Variants in RBPJ observed in about 807,000 individuals in gnomAD.
RBPJ encodes the protein recombination signal binding protein for immunoglobulin kappa J region.
In RBPJ, 9 loss-of-function variants were observed where a neutral mutation model predicts 67.8. The observed-to-expected ratio is 0.13, with a 90% CI of 0.08 to 0.23. RBPJ has a LOEUF of 0.23. Ranked by LOEUF, RBPJ falls within the 10% of genes least tolerant of loss-of-function variation. RBPJ has a pLI of 1.00. For synonymous variants in RBPJ, 198 were observed against 203.3 expected, an observed-to-expected ratio of 0.97 and a Z score of 0.22; for missense variants, 305 against 595.6, an observed-to-expected ratio of 0.51 and a Z score of 5.08.
intron 7 of RBPJ, among the ~76,000 whole-genome samples, chr4:26,425,201 C>T (rs896770882): frequency 2.0e-5 from 3 of 152,140 alleles, no homozygotes; most frequent in African/African-American, 7.2e-5. Context: ...CTTACTCTCT[C>T]ACAAGAAGAT....
chr4:26,306,513 G>C (rs1230087776), intron 1 of RBPJ, among the ~76,000 whole-genome samples: 1 of 151,636 alleles, frequency 6.6e-6, no homozygotes, highest in Non-Finnish European at 1.5e-5. Context: ...GCAATGGCGC[G>C]ATCTCCGCTC....
At chr4:26,258,374 C>T (rs1720414897) in intron 1 of RBPJ, among the ~76,000 whole-genome samples, 1 of 152,182 alleles carries the variant, frequency 6.6e-6, no homozygotes, top group Admixed American at 6.5e-5. Flanking sequence ...ATCAAACCTC[C>T]ATTAATAAAA....
chr4:26,304,176 G>A (rs907732166), intron 1 of RBPJ, among the ~76,000 whole-genome samples: 1 of 152,130 alleles, frequency 6.6e-6, no homozygotes, highest in Non-Finnish European at 1.5e-5. Flanking sequence ...GTTGTAGTGT[G>A]TTTCATACTT....
intron 1 of RBPJ, among the ~76,000 whole-genome samples, chr4:26,333,821 C>G (rs964297854): frequency 1.3e-5 from 2 of 152,152 alleles, no homozygotes; most frequent in Admixed American, 6.5e-5. Flanking sequence ...TGCCAAGTAG[C>G]TGGGACTACA....
intron 2 of RBPJ, among the ~76,000 whole-genome samples, chr4:26,395,028 A>G (rs1731975977): frequency 6.6e-6 from 1 of 152,186 alleles, no homozygotes; most frequent in African/African-American, 2.4e-5. Context: ...CCTCCCTGCC[A>G]TACCTCTCTG....
At chr4:26,194,282 T>C (rs565583678) in intron 1 of RBPJ, among the ~76,000 whole-genome samples, 2 of 152,316 alleles carry the variant, frequency 1.3e-5, no homozygotes, top group South Asian at 4.1e-4. Flanking sequence ...GAGAATCTGG[T>C]ACATTTGAGC....
chr4:26,128,366 C>A, the RBPJ span, among the ~76,000 whole-genome samples: 31 of 152,198 alleles, frequency 2.0e-4, no homozygotes, highest in Non-Finnish European at 1.5e-5. Context: ...AAAAAGACAT[C>A]ACCATCAGCA....
intron 1 of RBPJ, among the ~76,000 whole-genome samples, chr4:26,345,071 T>A (rs934366609): frequency 6.6e-6 from 1 of 152,242 alleles, no homozygotes; most frequent in African/African-American, 2.4e-5. Flanking sequence ...GTGTGGGACA[T>A]GTTTTCATGA....
intron 1 of RBPJ, among the ~76,000 whole-genome samples, chr4:26,308,679 C>G (rs1048316849): frequency 6.6e-6 from 1 of 152,188 alleles, no homozygotes; most frequent in African/African-American, 2.4e-5. Context: ...CTTAAATAAA[C>G]AGGTTCCAAA....
chr4:26,356,314 A>G (rs1299173040), intron 1 of RBPJ, among the ~76,000 whole-genome samples: 1 of 152,232 alleles, frequency 6.6e-6, no homozygotes, highest in South Asian at 2.1e-4. Context: ...CTGTGTAGCT[A>G]CTGCCATTCA....
intron 1 of RBPJ, among the ~76,000 whole-genome samples, chr4:26,349,093 C>CGCGCGT (rs113326244): frequency 6.6e-5 from 10 of 150,738 alleles, no homozygotes; most frequent in Non-Finnish European, 8.9e-5. Flanking sequence ...TGTGTGCGCG[C>CGCGCGT]GCGCACGCAC....
rs16878309 is a variant in RBPJ, at chr4:26,420,380, T to G, written c.322-171T>G. Among the ~76,000 whole-genome samples the G allele has an allele frequency of 0.014, 2,109 of 152,304 alleles. 49 individuals carry two copies. Among genetic ancestry groups the G allele is most frequent in the African/African-American group, 0.048 (2,003 of 41,548 alleles). ...CTTTATAAGGAAGACTTTGTACTTT[T>G]CCGAAATCAATTTCAGTAATTTTTA... On this transcript the variant is annotated intron_variant, in intron 4 of 10. Transcript: ENST00000355476.
chr4:26,341,539 T>C (rs1259734947), intron 1 of RBPJ, among the ~76,000 whole-genome samples: 1 of 151,688 alleles, frequency 6.6e-6, no homozygotes, highest in Non-Finnish European at 1.5e-5. Context: ...ACTTGTTACC[T>C]GGAGGTGGAG....
chr4:26,425,509 T>G (rs1162126713), intron 7 of RBPJ, among the ~76,000 whole-genome samples: 1 of 151,924 alleles, frequency 6.6e-6, no homozygotes, highest in Non-Finnish European at 1.5e-5. Context: ...AGTCTCAAGC[T>G]TAAGTGGGAG....
chr4:26,185,150 A>C (rs1383763350), intron 1 of RBPJ, among the ~76,000 whole-genome samples: 1 of 151,754 alleles, frequency 6.6e-6, no homozygotes, highest in East Asian at 1.9e-4. Context: ...TAAAAAAAAA[A>C]AAAAAGAAAA....
chr4:26,281,482 G>T (rs1362603617), intron 1 of RBPJ, among the ~76,000 whole-genome samples: 2 of 152,134 alleles, frequency 1.3e-5, no homozygotes, highest in Non-Finnish European at 2.9e-5. Context: ...GTTTCACTAT[G>T]TTGGCCAGGC....
At chr4:26,289,378 T>G (rs1721585741) in intron 1 of RBPJ, among the ~76,000 whole-genome samples, 1 of 85,920 alleles carries the variant, frequency 1.2e-5, no homozygotes, top group Admixed American at 1.6e-4. Context: ...GAGTGAGACT[T>G]GGTCTCAAAA....
intron 1 of RBPJ, among the ~76,000 whole-genome samples, chr4:26,357,837 G>A (rs556543098): frequency 2.6e-5 from 4 of 152,176 alleles, no homozygotes; most frequent in East Asian, 3.9e-4. Flanking sequence ...GTCTTTTTGC[G>A]ACTGGCTTAC....
chr4:26,338,547 T>G (rs1439970304), intron 1 of RBPJ, among the ~76,000 whole-genome samples: 3 of 151,690 alleles, frequency 2.0e-5, no homozygotes, highest in Non-Finnish European at 4.4e-5. Context: ...TTTGTTTGTT[T>G]TGGTGTGTGT....
Sources: gnomAD v4.1 joint callset for allele counts (sites outside exome capture counted in the v4.1 genomes callset) on GRCh38, gnomAD v4.1.1 for gene constraint, MANE v1.5 for transcripts, NCBI Gene and HGNC (gene_info 2026-07-23, HGNC 2026-07-21) for gene names.